Variants in GABRB2 observed in about 807,000 individuals in gnomAD.
GABRB2 encodes the protein gamma-aminobutyric acid receptor subunit beta-2.
Under a neutral mutation model 54.7 loss-of-function variants are expected in GABRB2, and 16 were observed. That is an observed-to-expected ratio of 0.29 (90% CI 0.20 to 0.44). The LOEUF (loss-of-function observed/expected upper bound fraction) is 0.44. Among genes scored for constraint, GABRB2 ranks in the 20% least tolerant of loss-of-function variants. GABRB2 has a pLI of 1.00. For missense variants in GABRB2, 355 were observed against 644.0 expected, an observed-to-expected ratio of 0.55 and a Z score of 4.86; for synonymous variants, 244 against 233.8, an observed-to-expected ratio of 1.04 and a Z score of -0.40.
At chr5:161,412,373 A>G (rs1756539641) in intron 4 of GABRB2, among the ~76,000 whole-genome samples, 1 of 152,002 alleles carries the variant, frequency 6.6e-6, no homozygotes, top group East Asian at 1.9e-4. Context: ...TTCTTTCCCC[A>G]AGTCCTGTTG....
At chr5:161,299,258 T>C (rs1286063530) in intron 9 of GABRB2, among the ~76,000 whole-genome samples, 3 of 152,206 alleles carry the variant, frequency 2.0e-5, no homozygotes, top group Non-Finnish European at 4.4e-5. Context: ...CACTTCCCCA[T>C]TCTCAGTTAC....
chr5:161,501,413 T>C (rs1759437835), intron 3 of GABRB2, among the ~76,000 whole-genome samples: 2 of 152,194 alleles, frequency 1.3e-5, no homozygotes, highest in South Asian at 2.1e-4. Context: ...CTATTTTATA[T>C]AGCAGTATTC....
chr5:161,309,163 A>G (rs1156624027), intron 9 of GABRB2, among the ~76,000 whole-genome samples: 1 of 152,240 alleles, frequency 6.6e-6, no homozygotes, highest in African/African-American at 2.4e-5. Flanking sequence ...TTTACAAGAC[A>G]AAAATAAACA....
intron 4 of GABRB2, among the ~76,000 whole-genome samples, chr5:161,432,715 A>G (rs1757203703): frequency 1.3e-5 from 2 of 152,030 alleles, no homozygotes; most frequent in African/African-American, 2.4e-5. Flanking sequence ...GAATTGAGTG[A>G]CAGCACCCAG....
intron 4 of GABRB2, among the ~76,000 whole-genome samples, chr5:161,416,660 G>A (rs1756676057): frequency 8.2e-6 from 1 of 121,816 alleles, no homozygotes; most frequent in Non-Finnish European, 1.6e-5. Flanking sequence ...TCGCGCCGCT[G>A]CACTCCAGCC....
intron 3 of GABRB2, among the ~76,000 whole-genome samples, chr5:161,521,873 G>T (rs1458820504): frequency 6.6e-6 from 1 of 151,778 alleles, no homozygotes; most frequent in Non-Finnish European, 1.5e-5. Context: ...GGTAGAATGG[G>T]CCATGTGTTC....
chr5:161,340,254 G>A (rs1334973804), intron 5 of GABRB2, among the ~76,000 whole-genome samples: 2 of 151,924 alleles, frequency 1.3e-5, no homozygotes, highest in Non-Finnish European at 1.5e-5. Flanking sequence ...GCAAACTTTT[G>A]GCAAAATGAC....
chr5:161,414,229 G>A (rs1289049920), intron 4 of GABRB2, among the ~76,000 whole-genome samples: 1 of 152,162 alleles, frequency 6.6e-6, no homozygotes, highest in Non-Finnish European at 1.5e-5. Context: ...GGTCGATGAT[G>A]AGTAACAGAC....
chr5:161,452,705 A>G (rs1032649440), intron 4 of GABRB2, among the ~76,000 whole-genome samples: 9 of 151,456 alleles, frequency 5.9e-5, no homozygotes, highest in Non-Finnish European at 1.2e-4. Flanking sequence ...TTTTTTTTTT[A>G]ATTGTAGGCC....
intron 3 of GABRB2, among the ~76,000 whole-genome samples, chr5:161,535,274 C>T (rs74295199): frequency 0.048 from 7,316 of 152,078 alleles, 445 homozygotes; most frequent in Admixed American, 0.16. Context: ...ATTATTCACA[C>T]TGTGAATATT....
At chr5:161,400,364 C>T (rs1468997147) in intron 5 of GABRB2, among the ~76,000 whole-genome samples, 2 of 152,120 alleles carry the variant, frequency 1.3e-5, no homozygotes, top group African/African-American at 4.8e-5. Flanking sequence ...GGAGCTTTTG[C>T]AGGATGACGG....
chr5:161,531,727 G>T (rs1210210250), intron 3 of GABRB2, among the ~76,000 whole-genome samples: 1 of 149,630 alleles, frequency 6.7e-6, no homozygotes, highest in South Asian at 2.1e-4. Flanking sequence ...TTTTCTATGA[G>T]AAATTAAAAA....
At chr5:161,377,397 G>A (rs1450115112) in intron 5 of GABRB2, among the ~76,000 whole-genome samples, 1 of 152,070 alleles carries the variant, frequency 6.6e-6, no homozygotes, top group Non-Finnish European at 1.5e-5. Flanking sequence ...CATTTTTATA[G>A]AGAATGTTTA....
At chr5:161,333,860 A>C (rs1273068540) in intron 7 of GABRB2, among the ~76,000 whole-genome samples, 1 of 152,210 alleles carries the variant, frequency 6.6e-6, no homozygotes, top group East Asian at 1.9e-4. Context: ...CTGAACTTCT[A>C]GCAAACCCAT....
intron 7 of GABRB2, among the ~76,000 whole-genome samples, chr5:161,331,977 A>G (rs1255081423): frequency 2.0e-5 from 3 of 151,666 alleles, no homozygotes; most frequent in African/African-American, 7.3e-5. Flanking sequence ...CATCCTGGCT[A>G]ACACGGTGAA....
chr5:161,337,232 A>G (rs1209642189), intron 5 of GABRB2, among the ~76,000 whole-genome samples: 1 of 152,198 alleles, frequency 6.6e-6, no homozygotes, highest in African/African-American at 2.4e-5. Context: ...AACTATTAGT[A>G]TAATGCTGAT....
At chr5:161,317,619 T>C (rs1431577801) in intron 9 of GABRB2, among the ~76,000 whole-genome samples, 1 of 152,144 alleles carries the variant, frequency 6.6e-6, no homozygotes, top group Non-Finnish European at 1.5e-5. Flanking sequence ...AATTCAGCTA[T>C]TCCAGAAAAC....
rs116670232 is a variant in GABRB2, at chr5:161,418,933, C to A, written c.459-7876G>T. Among the ~76,000 whole-genome samples, 1,104 of 152,202 alleles carry A rather than the reference C, an allele frequency of 7.3e-3. 12 individuals are homozygous for A. Among genetic ancestry groups the A allele is most frequent in the African/African-American group, 0.025 (1,050 of 41,546 alleles). ...CTTGAGCCCATGAGTTCGAGACCAG[C>A]GGGGGAAGCATGGCAAAATCCTGTC... is the stretch of plus-strand genomic sequence containing the variant. On this transcript the variant is annotated intron_variant, in intron 4 of 9. Coordinates refer to ENST00000393959, the MANE Select transcript of GABRB2 (RefSeq NM_001371727.1).
intron 5 of GABRB2, among the ~76,000 whole-genome samples, chr5:161,344,912 G>GAAACCA (rs1754275490): frequency 6.6e-6 from 1 of 152,078 alleles, no homozygotes; most frequent in African/African-American, 2.4e-5. Context: ...GATGAAGCTG[G>GAAACCA]AAACCATCAT....
Sources: allele counts gnomAD v4.1 joint callset (sites outside exome capture counted in the v4.1 genomes callset), GRCh38; gene constraint gnomAD v4.1.1; transcripts MANE v1.5; gene names NCBI Gene and HGNC (gene_info 2026-07-23, HGNC 2026-07-21).